The following CEP63 variants were observed in gnomAD, a reference collection of about 807,000 sequenced individuals.
CEP63 encodes centrosomal protein of 63 kDa.
Under a neutral mutation model 89.1 loss-of-function variants are expected in CEP63, and 84 were observed. That is an observed-to-expected ratio of 0.94 (90% CI 0.79 to 1.13). The LOEUF (loss-of-function observed/expected upper bound fraction) is 1.13. Among genes scored for constraint, CEP63 ranks in the 50% most tolerant of loss-of-function variants. The probability of loss-of-function intolerance (pLI) is 0.00; values close to 1 mark genes in which losing one functional copy is unlikely to be tolerated. For missense variants in CEP63, 838 were observed against 813.3 expected (o/e 1.03, Z -0.37); for synonymous variants, 267 against 272.5 (o/e 0.98, Z 0.20).
chr3:134,517,026 CAG>C (rs758173784), intron 3 of CEP63, among the ~76,000 whole-genome samples: 1 of 152,222 alleles, frequency 6.6e-6, no homozygotes, highest in Non-Finnish European at 1.5e-5. Flanking sequence ...TCCCATTCCT[CAG>C]AGAGACGATT....
At chr3:134,519,703 AT>A (rs1207136874) in intron 3 of CEP63, among the ~76,000 whole-genome samples, 3 of 152,220 alleles carry the variant, frequency 2.0e-5, no homozygotes, top group Non-Finnish European at 4.4e-5. Context: ...TAGTCAAAAT[AT>A]TAACAAACTA....
chr3:134,701,499 A>G, the CEP63 span, among the ~76,000 whole-genome samples: 1 of 149,470 alleles, frequency 6.7e-6, no homozygotes, highest in Non-Finnish European at 1.5e-5. Context: ...CATACACATT[A>G]TATATATTTA....
At chr3:134,713,447 G>T in the CEP63 span, among the ~76,000 whole-genome samples, 1 of 152,234 alleles carries the variant, frequency 6.6e-6, no homozygotes, top group East Asian at 1.9e-4. Context: ...ATGATGCCAG[G>T]AATGTTGGCT....
the CEP63 span, among the ~76,000 whole-genome samples, chr3:134,644,435 T>C: frequency 6.7e-4 from 102 of 152,288 alleles, 2 homozygotes; most frequent in South Asian, 0.014. Flanking sequence ...GCTGCTGCTG[T>C]GGCCTGCTGT....
intron 1 of CEP63, 35 bp from the exon 2 acceptor site, chr3:134,495,261 A>G: frequency 7.0e-7 from 1 of 1,424,646 alleles, no homozygotes; most frequent in South Asian, 1.2e-5. Context: ...TGAAGAAATG[A>G]ATTGTCTCAT....
chr3:134,692,922 C>T, the CEP63 span, among the ~76,000 whole-genome samples: 1 of 152,202 alleles, frequency 6.6e-6, no homozygotes, highest in Non-Finnish European at 1.5e-5. Context: ...CCCTTCTCTT[C>T]CACCTCTTTC....
rs143249457 is a variant in CEP63 at position 134,552,088 on chromosome 3, AAG to A, written c.1467+82_1467+83del. The A allele has an allele frequency of 9.8e-4, 784 of 801,926 alleles. 8 individuals are homozygous for A. The African/African-American group carries it at 0.012, about 12-fold the overall frequency. The allele number at this position is 801,926 out of a possible 1,614,324, so 49.7% of individuals were successfully genotyped here. On this transcript the variant is annotated intron_variant, in intron 12 of 14. Coordinates refer to ENST00000675561, the MANE Select transcript of CEP63 (RefSeq NM_001353108.3). ...TTACTTTGTAAATATTTACATTATA[AAG>A]AGAGAATTAAGATCAACTTAGATCC...
the CEP63 span, among the ~76,000 whole-genome samples, chr3:134,621,865 A>G: frequency 6.6e-6 from 1 of 152,218 alleles, no homozygotes; most frequent in South Asian, 2.1e-4. Flanking sequence ...CTACAACTCC[A>G]CAAAAACAAA....
chr3:134,776,118 T>C, the CEP63 span, among the ~76,000 whole-genome samples: 1 of 152,224 alleles, frequency 6.6e-6, no homozygotes, highest in Non-Finnish European at 1.5e-5. Flanking sequence ...CTAGGCCCTC[T>C]GGGATACCAT....
chr3:134,642,472 C>T, the CEP63 span, among the ~76,000 whole-genome samples: 3 of 152,210 alleles, frequency 2.0e-5, no homozygotes, highest in South Asian at 6.2e-4. Context: ...ACCTGGCCTC[C>T]TGTCACCATT....
the CEP63 span, among the ~76,000 whole-genome samples, chr3:134,679,885 G>A: frequency 6.6e-6 from 1 of 152,128 alleles, no homozygotes; most frequent in African/African-American, 2.4e-5. Flanking sequence ...ACCACATCCA[G>A]CTAATTTTTG....
At chr3:134,533,795 A>G (rs1950267653) in intron 5 of CEP63, among the ~76,000 whole-genome samples, 1 of 152,176 alleles carries the variant, frequency 6.6e-6, no homozygotes, top group Non-Finnish European at 1.5e-5. Context: ...GTGATCACTT[A>G]CAAGTTTGTA....
chr3:134,586,288 C>T (rs1044342447), intron 10 of CEP63, among the ~76,000 whole-genome samples: 9 of 152,170 alleles, frequency 5.9e-5, no homozygotes, highest in Non-Finnish European at 8.8e-5. Context: ...TTTATAGCAT[C>T]GATGGTCTTT....
At chr3:134,582,242 C>G (rs1291863917) in intron 10 of CEP63, among the ~76,000 whole-genome samples, 1 of 152,052 alleles carries the variant, frequency 6.6e-6, no homozygotes, top group African/African-American at 2.4e-5. Flanking sequence ...AGATCTGCCA[C>G]ATAGGTATAC....
At chr3:134,757,354 C>T in the CEP63 span, among the ~76,000 whole-genome samples, 3 of 152,312 alleles carry the variant, frequency 2.0e-5, no homozygotes, top group African/African-American at 7.2e-5. Context: ...GCTTATCTTG[C>T]TCAAACTCCC....
At chr3:134,780,081 G>C in the CEP63 span, among the ~76,000 whole-genome samples, 1 of 152,100 alleles carries the variant, frequency 6.6e-6, no homozygotes, top group African/African-American at 2.4e-5. Flanking sequence ...ACGAACCCTA[G>C]CTATTGTCTG....
chr3:134,608,924 C>T, the CEP63 span: 1 of 1,467,086 alleles, frequency 6.8e-7, no homozygotes, highest in South Asian at 1.4e-5. Flanking sequence ...GTCCTATGGA[C>T]ACCCTGGATG....
chr3:134,506,503 C>T (rs992532544), intron 2 of CEP63, among the ~76,000 whole-genome samples: 3 of 152,176 alleles, frequency 2.0e-5, no homozygotes, highest in Non-Finnish European at 4.4e-5. Context: ...CAGCCTGGCT[C>T]CACAAACCAG....
At chr3:134,601,758 G>T in the CEP63 span, among the ~76,000 whole-genome samples, 2 of 152,236 alleles carry the variant, frequency 1.3e-5, no homozygotes, top group Admixed American at 1.3e-4. Context: ...TGGATGATGG[G>T]CACCCTTGTG....
Sources: allele counts gnomAD v4.1 joint callset (sites outside exome capture counted in the v4.1 genomes callset), GRCh38; gene constraint gnomAD v4.1.1; transcripts MANE v1.5; gene names NCBI Gene and HGNC (gene_info 2026-07-23, HGNC 2026-07-21).